BUB1B: variants seen among roughly 807,000 people sequenced by gnomAD.
BUB1B encodes BUB1 mitotic checkpoint serine/threonine kinase B, also known as mitotic checkpoint serine/threonine-protein kinase BUB1 beta.
Under a neutral mutation model 137.7 loss-of-function variants are expected in BUB1B, and 86 were observed. The observed-to-expected ratio is 0.62, with a 90% CI of 0.52 to 0.75. The LOEUF is 0.75. BUB1B is among the 30% of genes least tolerant of loss of function. BUB1B has a pLI of 0.00. For missense variants in BUB1B, 1,130 were observed against 1,236.9 expected, an observed-to-expected ratio of 0.91 and a Z score of 1.30; for synonymous variants, 420 against 417.9, an observed-to-expected ratio of 1.00 and a Z score of -0.06.
At chr15:40,196,454 G>A in intron 8 of BUB1B, 91 bp from the exon 9 acceptor site, 1 of 1,170,634 alleles carries the variant, frequency 8.5e-7, no homozygotes, top group Non-Finnish European at 1.3e-6. Context: ...ATTATTGATG[G>A]CCCTTGTAAA....
At chr15:40,218,403 C>T in intron 21 of BUB1B, 53 bp from the exon 22 acceptor site, 1 of 1,342,966 alleles carries the variant, frequency 7.4e-7, no homozygotes, top group Middle Eastern at 1.8e-4. Flanking sequence ...AAATAAGCTG[C>T]CATGGTAGAG....
chr15:40,189,860 CCCAACACTTGTTATTATG>C (rs2037414751), intron 8 of BUB1B, among the ~76,000 whole-genome samples: 1 of 152,198 alleles, frequency 6.6e-6, no homozygotes, highest in Non-Finnish European at 1.5e-5. Flanking sequence ...CCAATTCCTT[CCCAACACTTGTTATTATG>C]CTTTTTTGGT....
chr15:40,209,242 A>G (rs1218486655), intron 16 of BUB1B, among the ~76,000 whole-genome samples: 1 of 151,966 alleles, frequency 6.6e-6, no homozygotes, highest in African/African-American at 2.4e-5. Context: ...AACATGGGGA[A>G]ACCCCAACTC....
At chr15:40,212,443 G>T in intron 18 of BUB1B, 56 bp from the exon 19 acceptor site, 1 of 1,404,854 alleles carries the variant, frequency 7.1e-7, no homozygotes, top group East Asian at 2.3e-5. Flanking sequence ...GTTTCAACCT[G>T]CCAGCCATAA....
Position 40,210,205 on chromosome 15 carries a change from A to G in BUB1B, c.2380A>G (p.Ile794Val), listed in dbSNP as rs1476637336. ...AAGAAACTCTGCAGAATTAACAGTA[A>G]TAAAGGTGGGACTGATTCTTTATAA... ...APRNSAELTV[I>V]KVSSQPVPWD... is the part of the protein sequence containing the mutation. Residue 794 changes from isoleucine to valine, a missense_variant, in exon 18 of 23, where the codon ATA (isoleucine) becomes GTA (valine). Physicochemically the swap from Ile to Val is conservative, Grantham distance 29 (BLOSUM62 3). Coordinates refer to ENST00000287598, the MANE Select transcript of BUB1B (RefSeq NM_001211.6). 8.2e-6 allele frequency: 13 copies of G among 1,594,452 alleles called. No individual in the cohort carries two copies. The highest frequency in any genetic ancestry group is 9.5e-6 in the Non-Finnish European group (11 of 1,162,386).
At chr15:40,177,551 A>G (rs1002507941) in intron 5 of BUB1B, among the ~76,000 whole-genome samples, 43 of 151,948 alleles carry the variant, frequency 2.8e-4, no homozygotes, top group African/African-American at 9.9e-4. Flanking sequence ...ATGTAGGTTT[A>G]TTTCTATTAT....
chr15:40,200,182 A>G (rs2037547037), intron 10 of BUB1B, 62 bp from the exon 11 acceptor site: 1 of 1,133,420 alleles, frequency 8.8e-7, no homozygotes, highest in Admixed American at 1.8e-5. Context: ...CTAATGTTAG[A>G]ACTAGAAAAT....
chr15:40,171,462 G>A (rs959394603), intron 4 of BUB1B, among the ~76,000 whole-genome samples: 10 of 152,180 alleles, frequency 6.6e-5, no homozygotes, highest in Middle Eastern at 3.4e-3. Context: ...TGGGAGGGTC[G>A]CTTGAGCCCG....
Position 40,213,475 on chromosome 15 carries a change from G to A in BUB1B, c.2678+1G>A. 1 of 1,614,018 alleles carries A rather than the reference G, an allele frequency of 6.2e-7. No individual in the cohort carries two copies. Among genetic ancestry groups the A allele is most frequent in the Non-Finnish European group, 8.5e-7 (1 of 1,179,974 alleles). On this transcript the variant is annotated splice_donor_variant, in intron 20 of 22. Transcript: ENST00000287598. LOFTEE classifies it high-confidence loss of function. ...CAAGGTGTCTGATTCTCAGAAACAG[G>A]TTGGTCCTTTTCATTCTTATAATTC...
In BUB1B at chr15:40,200,334, G is replaced by T. The variant is rs916717736; in HGVS notation, c.1492G>T (p.Val498Phe). Reference protein sequence around the residue: ...KIPGMTLSSSVCQVNCCARET... With the variant: ...KIPGMTLSSSFCQVNCCARET... ...ACCAGGAATGACTCTATCCAGTTCT[G>T]TTTGTCAAGTAAACTGTTGTGCCAG... is the stretch of plus-strand genomic sequence containing the variant. The change falls in exon 11 of 23, where the codon GTT becomes TTT. Residue 498 changes from valine (V) to phenylalanine (F), a missense_variant. Val to Phe is a conservative substitution (Grantham distance 50). Transcript: ENST00000287598. 4 of 1,613,704 alleles carry T rather than the reference G, an allele frequency of 2.5e-6. No individual in the cohort carries two copies. Among genetic ancestry groups the T allele is most frequent in the Admixed American group, 1.7e-5 (1 of 59,994 alleles).
intron 18 of BUB1B, among the ~76,000 whole-genome samples, 199 bp from the exon 19 acceptor site, chr15:40,212,295 AATTGG>A (rs1729578452): frequency 6.6e-6 from 1 of 152,144 alleles, no homozygotes; most frequent in African/African-American, 2.4e-5. Flanking sequence ...TTTTTATTCT[AATTGG>A]ATTGTTACCT....
At chr15:40,212,831 C>T (rs906421652) in intron 19 of BUB1B, among the ~76,000 whole-genome samples, 183 bp downstream of exon 19, 2 of 152,006 alleles carry the variant, frequency 1.3e-5, no homozygotes, top group Admixed American at 6.6e-5. Flanking sequence ...ATTTTTTTAA[C>T]TTTTTTTGGT....
At position 40,170,306 on chromosome 15, in the gene BUB1B, T is replaced by G. The variant is rs193241496; in HGVS notation, c.239+185T>G. 403 of 766,400 alleles carry G rather than the reference T, an allele frequency of 5.3e-4. 7 individuals carry two copies. The South Asian group carries it at 6.8e-3, about 13-fold the overall frequency. 47.5% of individuals were successfully genotyped at this position (766,400 alleles called of 1,614,324 possible). A position where few individuals can be genotyped will look rare whatever the true frequency, so the allele number is the denominator to read the frequency against. ...TTTAAGATTCAAGAAATTTCAAGTT[T>G]ATGATGTACAACTTTGAACTACACC... On this transcript the variant is annotated intron_variant, in intron 3 of 22. Transcript: ENST00000287598.
At chr15:40,191,276 A>G (rs1239794306) in intron 8 of BUB1B, among the ~76,000 whole-genome samples, 1 of 152,130 alleles carries the variant, frequency 6.6e-6, no homozygotes, top group Admixed American at 6.6e-5. Context: ...GATAACTGAA[A>G]CTGCTGAAAA....
chr15:40,219,534 A>G (rs1222153948), intron 22 of BUB1B, among the ~76,000 whole-genome samples: 1 of 152,120 alleles, frequency 6.6e-6, no homozygotes, highest in Non-Finnish European at 1.5e-5. Flanking sequence ...CCTGGGCAAC[A>G]TGGCGAAACC....
chr15:40,207,866 G>T (rs887929022), intron 15 of BUB1B, among the ~76,000 whole-genome samples: 1 of 121,594 alleles, frequency 8.2e-6, no homozygotes, highest in African/African-American at 3.1e-5. Flanking sequence ...GTGATGCCTT[G>T]TGTCTAATAA....
In BUB1B at chr15:40,200,313, G is replaced by C; in HGVS notation, c.1471G>C (p.Gly491Arg). ...QIASESQKIP[G>R]MTLSSSVCQV... ...TGCTTCCGAGTCTCAGAAAATACCAGGAATGACTCTATCCAGTTCTGTTTG... is the reference window on the plus strand; with the variant it reads ...TGCTTCCGAGTCTCAGAAAATACCACGAATGACTCTATCCAGTTCTGTTTG... The change falls in exon 11 of 23, where the codon GGA becomes CGA. Residue 491 changes from glycine to arginine, a missense_variant. Gly to Arg is a moderately radical substitution (Grantham distance 125, BLOSUM62 -2). Transcript: ENST00000287598. 6.2e-7 allele frequency: 1 copy of C among 1,613,962 alleles called. No individual in the cohort carries two copies. Among genetic ancestry groups the C allele is most frequent in the African/African-American group, 1.3e-5 (1 of 75,038 alleles).
Position 40,165,191 on chromosome 15 carries a change from G to A in BUB1B, c.174G>A (p.Gln58=), listed in dbSNP as rs1204846290. The A allele has an allele frequency of 6.2e-7, 1 of 1,614,216 alleles. No homozygotes were observed. Among genetic ancestry groups the A allele is most frequent in the South Asian group, 1.1e-5 (1 of 91,086 alleles). The change falls in exon 2 of 23, where the codon CAG becomes CAA. Residue 58 remains glutamine, a synonymous_variant. Coordinates refer to ENST00000287598, the MANE Select transcript of BUB1B (RefSeq NM_001211.6). ...ESACNNTLQQ[Q]KRAFEYEIRF... Reference sequence around the variant, plus strand: ...CCTGTAACAATACTCTTCAGCAGCAGAAACGGTGTGTAGAATGGCTGAGTC... The same window carrying A: ...CCTGTAACAATACTCTTCAGCAGCAAAAACGGTGTGTAGAATGGCTGAGTC...
intron 9 of BUB1B, among the ~76,000 whole-genome samples, chr15:40,198,409 T>G (rs951189087): frequency 2.0e-5 from 3 of 152,152 alleles, no homozygotes; most frequent in Non-Finnish European, 2.9e-5. Context: ...TCTCTGAATC[T>G]ATTTCATGAA....
Sources: allele counts gnomAD v4.1 joint callset (sites outside exome capture counted in the v4.1 genomes callset), GRCh38; gene constraint gnomAD v4.1.1; transcripts MANE v1.5; gene names NCBI Gene and HGNC (gene_info 2026-07-23, HGNC 2026-07-21).